Variants in CCM2 observed in about 807,000 individuals in gnomAD.
CCM2 encodes the protein cerebral cavernous malformations 2 protein.
Under a neutral mutation model 44.9 loss-of-function variants are expected in CCM2, and 25 were observed. That is an observed-to-expected ratio of 0.56 (90% CI 0.41 to 0.78). The LOEUF (loss-of-function observed/expected upper bound fraction) is 0.78, where lower values mean the gene tolerates loss of function less well. Among genes scored for constraint, CCM2 ranks in the 30% least tolerant of loss-of-function variants. The pLI, the probability that CCM2 is intolerant of heterozygous loss-of-function variation, is 0.00. For missense variants in CCM2, 481 were observed against 580.6 expected (o/e 0.83, Z 1.76); for synonymous variants, 219 against 241.1 (o/e 0.91, Z 0.85).
chr7:45,023,813 T>G (rs985519007), intron 1 of CCM2, among the ~76,000 whole-genome samples: 6 of 142,174 alleles, frequency 4.2e-5, no homozygotes, highest in Non-Finnish European at 6.1e-5. Context: ...TTTTTTTTTT[T>G]TTTTTTTTTT....
At chr7:45,074,092 G>A (rs1253720474) in intron 8 of CCM2, 178 bp from the exon 9 acceptor site, 32 of 1,409,674 alleles carry the variant, frequency 2.3e-5, no homozygotes, top group African/African-American at 1.6e-4. Flanking sequence ...GGGTGGCCCC[G>A]TGCCAGGTCT....
intron 1 of CCM2, among the ~76,000 whole-genome samples, chr7:45,008,830 C>G (rs952019412): frequency 4.6e-5 from 7 of 152,276 alleles, no homozygotes; most frequent in African/African-American, 1.7e-4. Flanking sequence ...TTTCATGCTA[C>G]TGGGTATAGA....
At chr7:45,049,487 G>A (rs1305316207) in intron 2 of CCM2, among the ~76,000 whole-genome samples, 1 of 152,156 alleles carries the variant, frequency 6.6e-6, no homozygotes, top group East Asian at 1.9e-4. Context: ...ACACTGAACA[G>A]TGTATCTTGA....
chr7:45,064,407 C>T (rs1398796724), intron 3 of CCM2, 56 bp from the exon 4 acceptor site: 22 of 1,563,606 alleles, frequency 1.4e-5, no homozygotes, highest in Non-Finnish European at 1.9e-5. Context: ...AGGAGAAGCG[C>T]CCCATGCCGG....
chr7:45,006,493 G>A (rs1357445399), intron 1 of CCM2, among the ~76,000 whole-genome samples: 5 of 151,968 alleles, frequency 3.3e-5, no homozygotes, highest in Non-Finnish European at 7.4e-5. Context: ...ACAGGTGCCC[G>A]CCACCACACC....
intron 1 of CCM2, among the ~76,000 whole-genome samples, chr7:45,006,345 A>G (rs1024688008): frequency 6.2e-5 from 7 of 112,074 alleles, no homozygotes; most frequent in African/African-American, 2.1e-4. Flanking sequence ...TTTTTTTTTT[A>G]TTTGTTTTTA....
At position 45,076,002 on chromosome 7, in the gene CCM2, A is replaced by C; in HGVS notation, c.1280A>C (p.Asp427Ala). The part of the protein sequence containing the change: ...EGDEWDRMIS[D>A]ISSDIEALGC... Reference sequence around the variant, plus strand: ...GATGAGTGGGACCGCATGATCTCGGACATCAGCAGCGACATTGAGGCGCTG... The same window carrying C: ...GATGAGTGGGACCGCATGATCTCGGCCATCAGCAGCGACATTGAGGCGCTG... Residue 427 changes from aspartate to alanine, a missense_variant, in exon 10 of 10, where the codon GAC becomes GCC. Transcript: ENST00000258781. 6.2e-7 allele frequency: 1 copy of C among 1,613,084 alleles called. No homozygotes were observed. The highest frequency in any genetic ancestry group is 8.5e-7 in the Non-Finnish European group (1 of 1,180,030).
intron 1 of CCM2, among the ~76,000 whole-genome samples, chr7:45,021,550 C>T (rs531844190): frequency 4.1e-4 from 61 of 149,418 alleles, no homozygotes; most frequent in Middle Eastern, 6.9e-3. Flanking sequence ...GGCGACAGAG[C>T]GAGGCTCTTT....
intron 1 of CCM2, among the ~76,000 whole-genome samples, chr7:45,013,474 A>G (rs912436631): frequency 2.6e-5 from 4 of 152,076 alleles, no homozygotes; most frequent in Non-Finnish European, 4.4e-5. Context: ...CTGAACCATT[A>G]AGAATAAGCT....
At chr7:45,027,400 CCTT>C (rs1413442065) in intron 1 of CCM2, 3 of 476,098 alleles carry the variant, frequency 6.3e-6, no homozygotes, top group South Asian at 2.1e-5. Flanking sequence ...AAATTAATGT[CCTT>C]CTGTTGACTG....
intron 2 of CCM2, among the ~76,000 whole-genome samples, chr7:45,049,480 C>A (rs530187861): frequency 6.6e-6 from 1 of 152,292 alleles, no homozygotes; most frequent in African/African-American, 2.4e-5. Flanking sequence ...GCTTTTTACA[C>A]TGAACAGTGT....
At chr7:45,036,263 GA>G (rs1252280203) in intron 1 of CCM2, among the ~76,000 whole-genome samples, 2 of 152,116 alleles carry the variant, frequency 1.3e-5, no homozygotes, top group African/African-American at 4.8e-5. Flanking sequence ...CGTTTTTATT[GA>G]AAGAGCTTCC....
In CCM2 at chr7:45,074,627, C is replaced by T. The variant is rs2289372; in HGVS notation, c.1054+219C>T. ...TTCCCAGGTACTGTTGGGGGCCCAC[C>T]GACAGGCCTTCATTCTCCTGGGAAC... On this transcript the variant is annotated intron_variant, in intron 9 of 9. Transcript: ENST00000258781. Among the ~76,000 whole-genome samples, 20,188 of 152,106 alleles carry T rather than the reference C, an allele frequency of 0.13. 1,653 individuals are homozygous for T. The highest frequency in any genetic ancestry group is 0.23 in the Middle Eastern group (67 of 294).
At chr7:45,059,652 C>T (rs138814573) in intron 2 of CCM2, among the ~76,000 whole-genome samples, 6 of 152,152 alleles carry the variant, frequency 3.9e-5, no homozygotes, top group South Asian at 4.2e-4. Flanking sequence ...GTGGGAGGAT[C>T]GCTTCAGCCT....
intron 1 of CCM2, among the ~76,000 whole-genome samples, chr7:45,006,213 G>C (rs1795841030): frequency 6.6e-6 from 1 of 152,174 alleles, no homozygotes; most frequent in African/African-American, 2.4e-5. Flanking sequence ...TCAGTTTCAT[G>C]TGCACCTTCT....
intron 1 of CCM2, among the ~76,000 whole-genome samples, chr7:45,012,194 T>C (rs1796093312): frequency 6.7e-6 from 1 of 148,476 alleles, no homozygotes; most frequent in African/African-American, 2.5e-5. Context: ...AGTGTAGTGC[T>C]ACGATCTTGG....
chr7:45,002,662 C>G (rs1389207971), intron 1 of CCM2, among the ~76,000 whole-genome samples: 3 of 152,136 alleles, frequency 2.0e-5, no homozygotes, highest in Non-Finnish European at 2.9e-5. Flanking sequence ...AAACTTGGCC[C>G]CAGTGTATCA....
chr7:45,048,708 A>G (rs1015868087), intron 2 of CCM2, among the ~76,000 whole-genome samples: 5 of 151,892 alleles, frequency 3.3e-5, no homozygotes, highest in Non-Finnish European at 5.9e-5. Context: ...GGTTGCAGTG[A>G]GCCGAGATTG....
At chr7:45,059,592 T>C (rs764844495) in intron 2 of CCM2, among the ~76,000 whole-genome samples, 2 of 151,936 alleles carry the variant, frequency 1.3e-5, no homozygotes, top group African/African-American at 4.8e-5. Context: ...CTACAAAAAA[T>C]ACAAAAATTA....
Sources: gnomAD v4.1 joint callset for allele counts (sites outside exome capture counted in the v4.1 genomes callset) on GRCh38, gnomAD v4.1.1 for gene constraint, MANE v1.5 for transcripts, NCBI Gene and HGNC (gene_info 2026-07-23, HGNC 2026-07-21) for gene names.